The following MSN variants were observed in gnomAD, a reference collection of about 807,000 sequenced individuals.
MSN encodes moesin.
In MSN, 2 loss-of-function variants were observed where a neutral mutation model predicts 48.0. The observed-to-expected ratio is 0.04, with a 90% CI of 0.02 to 0.13. The LOEUF (loss-of-function observed/expected upper bound fraction) is 0.13. Ranked by LOEUF, MSN falls within the 10% of genes least tolerant of loss-of-function variation. The pLI, the probability that MSN is intolerant of heterozygous loss-of-function variation, is 1.00. For synonymous variants in MSN, 146 were observed against 166.9 expected (o/e 0.87, Z 0.97); for missense variants, 267 against 470.1 (o/e 0.57, Z 3.99).
intron 1 of MSN, among the ~76,000 whole-genome samples, chrX:65,627,349 G>T (rs1384156705): frequency 2.9e-5 from 3 of 103,253 alleles, no homozygotes; most frequent in African/African-American, 1.3e-4. Flanking sequence ...ACCTGAGACT[G>T]TCGAGAAAAA....
intron 1 of MSN, among the ~76,000 whole-genome samples, chrX:65,702,597 C>T (rs1449048166): frequency 2.7e-5 from 3 of 110,602 alleles, no homozygotes; most frequent in Admixed American, 9.6e-5. Flanking sequence ...ACCCGGGAGA[C>T]GGGGGTTGCA....
chrX:65,625,667 A>C (rs747643291), intron 1 of MSN: 4 of 111,755 alleles, frequency 3.6e-5, no homozygotes, highest in Non-Finnish European at 7.5e-5. Flanking sequence ...ATATAAAGTG[A>C]GACTGTTGTA....
At chrX:65,628,444 G>A (rs1490752377) in intron 1 of MSN, among the ~76,000 whole-genome samples, 1 of 112,267 alleles carries the variant, frequency 8.9e-6, no homozygotes, top group African/African-American at 3.2e-5. Context: ...CTCTACGTTG[G>A]CCCCTTTCAG....
intron 7 of MSN, among the ~76,000 whole-genome samples, chrX:65,734,125 G>A (rs1337532532): frequency 3.6e-5 from 4 of 111,961 alleles, no homozygotes; most frequent in South Asian, 3.7e-4. Flanking sequence ...TAACACACTC[G>A]CCATGCTTCT....
At chrX:65,612,742 G>A (rs1463598232) in intron 1 of MSN, among the ~76,000 whole-genome samples, 1 of 108,099 alleles carries the variant, frequency 9.3e-6, no homozygotes, top group African/African-American at 3.4e-5. Context: ...TGTATTTTTA[G>A]TAGAGATGGG....
chrX:65,727,672 C>T, intron 2 of MSN, 142 bp from the exon 3 acceptor site: 1 of 452,250 alleles, frequency 2.2e-6, no homozygotes, highest in East Asian at 3.7e-5. Context: ...GATTGCTGCT[C>T]AAGTATATTT....
upstream of MSN, among the ~76,000 whole-genome samples, chrX:65,662,938 A>C (rs2070835411): frequency 8.9e-6 from 1 of 111,974 alleles, no homozygotes; most frequent in Non-Finnish European, 1.9e-5. Flanking sequence ...CAAATCAATA[A>C]TCTAAAAATA....
At chrX:65,667,430 G>C (rs961338796), upstream of MSN, among the ~76,000 whole-genome samples, 1 of 109,614 alleles carries the variant, frequency 9.1e-6, no homozygotes, top group African/African-American at 3.3e-5. Flanking sequence ...GCTGTGACCA[G>C]GGTGGGAGAG....
intron 1 of MSN, among the ~76,000 whole-genome samples, chrX:65,655,609 G>A (rs769198821): frequency 8.9e-6 from 1 of 112,257 alleles, no homozygotes; most frequent in Non-Finnish European, 1.9e-5. Flanking sequence ...TCTCCCTCGT[G>A]TCCCACTGTG....
upstream of MSN, among the ~76,000 whole-genome samples, chrX:65,664,809 G>GTA (rs1445556238): frequency 9.4e-6 from 1 of 106,565 alleles, no homozygotes; most frequent in Non-Finnish European, 1.9e-5. Flanking sequence ...GAGTGCAGTG[G>GTA]TATGATCTTT....
chrX:65,651,317 A>G (rs1343650650), intron 1 of MSN, among the ~76,000 whole-genome samples: 1 of 74,636 alleles, frequency 1.3e-5, no homozygotes, highest in Non-Finnish European at 2.6e-5. Flanking sequence ...GACTCTATCT[A>G]AAAAAAAAAA....
rs751684026 is a variant in MSN, at chrX:65,637,260, G to A, written c.-22+48648G>A. On this transcript the variant is annotated intron_variant, in intron 1 of 3. Coordinates refer to the MSN transcript ENST00000609672. ...TCTACTAAAAATACAAAATTAGCCC[G>A]GTGTGGTGGCACATGCCTGTAATCC... 8.4e-5 allele frequency among the ~76,000 whole-genome samples: 9 copies of A among 107,399 alleles called. No individual in the cohort carries two copies. In the East Asian group the frequency reaches 2.1e-3, roughly 25 times the overall value. The allele number at this position is 107,399 out of a possible 115,157, so 93.3% of individuals were successfully genotyped here.
chrX:65,699,473 G>A (rs2071278727), intron 1 of MSN, among the ~76,000 whole-genome samples: 1 of 112,261 alleles, frequency 8.9e-6, no homozygotes, highest in African/African-American at 3.2e-5. Context: ...TGATAAGCCA[G>A]GAGCGGTGGC....
At chrX:65,722,954 G>T (rs2071532978) in intron 2 of MSN, among the ~76,000 whole-genome samples, 1 of 111,485 alleles carries the variant, frequency 9.0e-6, no homozygotes, top group Admixed American at 9.5e-5. Context: ...CATGTCAAAA[G>T]GAGGTAAAGG....
At chrX:65,623,388 T>C (rs1276589424) in intron 1 of MSN, among the ~76,000 whole-genome samples, 1 of 105,026 alleles carries the variant, frequency 9.5e-6, no homozygotes, top group African/African-American at 3.7e-5. Context: ...TTTTTTTACA[T>C]TGTATGTCTT....
chrX:65,622,752 A>T (rs2070463394), intron 1 of MSN, among the ~76,000 whole-genome samples: 1 of 110,346 alleles, frequency 9.1e-6, no homozygotes, highest in African/African-American at 3.3e-5. Flanking sequence ...CCTGACCTCA[A>T]GTCTAGCCTC....
intron 1 of MSN, among the ~76,000 whole-genome samples, chrX:65,618,943 A>G (rs1212807780): frequency 7.9e-4 from 85 of 107,961 alleles, no homozygotes; most frequent in African/African-American, 2.6e-3. Context: ...TCTATAAAGT[A>G]TTTTATTTCT....
intron 1 of MSN, among the ~76,000 whole-genome samples, chrX:65,691,921 C>A (rs1468697835): frequency 8.9e-6 from 1 of 111,849 alleles, no homozygotes; most frequent in Non-Finnish European, 1.9e-5. Flanking sequence ...CCAAGCAGAT[C>A]ATGAACATCC....
chrX:65,659,271 A>C, intron 1 of MSN, among the ~76,000 whole-genome samples: 1 of 110,861 alleles, frequency 9.0e-6, no homozygotes, highest in Admixed American at 9.7e-5. Context: ...CTCCTGCCTC[A>C]GCCTCCCAAG....
Sources: gnomAD v4.1 joint callset for allele counts (sites outside exome capture counted in the v4.1 genomes callset) on GRCh38, gnomAD v4.1.1 for gene constraint, MANE v1.5 for transcripts, NCBI Gene and HGNC (gene_info 2026-07-23, HGNC 2026-07-21) for gene names.